Variants in GRM8 observed in about 807,000 individuals in gnomAD.
GRM8 encodes glutamate metabotropic receptor 8.
GRM8 carries 47 observed loss-of-function variants against 87.2 expected under a neutral mutation model. That is an observed-to-expected ratio of 0.54 (90% CI 0.43 to 0.69). The LOEUF (loss-of-function observed/expected upper bound fraction) is 0.69, where lower values mean the gene tolerates loss of function less well. Among genes scored for constraint, GRM8 ranks in the 30% least tolerant of loss-of-function variants. GRM8 has a pLI of 0.00. For missense variants in GRM8, 1,019 were observed against 1,139.2 expected, an observed-to-expected ratio of 0.89 and a Z score of 1.52; for synonymous variants, 396 against 404.5, an observed-to-expected ratio of 0.98 and a Z score of 0.25.
chr7:127,151,858 T>A (rs1018104901), intron 2 of GRM8, among the ~76,000 whole-genome samples: 1 of 152,086 alleles, frequency 6.6e-6, no homozygotes, highest in Non-Finnish European at 1.5e-5. Flanking sequence ...AACTACTGAA[T>A]GTAGATTATA....
At chr7:126,537,890 T>C (rs1418845943) in intron 8 of GRM8, among the ~76,000 whole-genome samples, 1 of 152,218 alleles carries the variant, frequency 6.6e-6, no homozygotes, top group Non-Finnish European at 1.5e-5. Context: ...TTTATTGCTA[T>C]ATTAACAAAT....
chr7:126,491,015 A>G (rs1015531604), intron 9 of GRM8, among the ~76,000 whole-genome samples: 59 of 152,078 alleles, frequency 3.9e-4, no homozygotes, highest in Non-Finnish European at 8.8e-5. Flanking sequence ...TTTTGTCAAT[A>G]ATAGCCAAAA....
chr7:126,755,415 C>A (rs1007520553), intron 7 of GRM8, among the ~76,000 whole-genome samples: 2 of 151,488 alleles, frequency 1.3e-5, no homozygotes, highest in African/African-American at 4.8e-5. Flanking sequence ...CAGTCAAAAG[C>A]TTTTTTTTGC....
At chr7:127,151,024 A>T (rs1267147415) in intron 2 of GRM8, among the ~76,000 whole-genome samples, 1 of 152,014 alleles carries the variant, frequency 6.6e-6, no homozygotes, top group Non-Finnish European at 1.5e-5. Context: ...AGCTATACAC[A>T]TTGGGTTTTA....
chr7:127,209,230 G>C (rs552666673), intron 2 of GRM8, among the ~76,000 whole-genome samples: 2 of 152,266 alleles, frequency 1.3e-5, no homozygotes, highest in African/African-American at 2.4e-5. Flanking sequence ...TCTGGAAACT[G>C]CACTGGATAA....
intron 3 of GRM8, among the ~76,000 whole-genome samples, chr7:126,961,750 T>C (rs1238991174): frequency 3.3e-5 from 5 of 152,232 alleles, no homozygotes; most frequent in African/African-American, 1.2e-4. Flanking sequence ...ACAAGCCTCG[T>C]GGGAGGAGAG....
intron 7 of GRM8, among the ~76,000 whole-genome samples, chr7:126,683,358 C>T (rs1204682621): frequency 2.0e-5 from 3 of 152,228 alleles, no homozygotes; most frequent in Non-Finnish European, 4.4e-5. Context: ...CTATGACTAA[C>T]TCATTCCCAA....
intron 9 of GRM8, among the ~76,000 whole-genome samples, chr7:126,451,497 G>A (rs907863330): frequency 6.6e-6 from 1 of 151,460 alleles, no homozygotes; most frequent in African/African-American, 2.4e-5. Context: ...TCTCTTTCCT[G>A]CTGCCCTTGC....
intron 6 of GRM8, among the ~76,000 whole-genome samples, chr7:126,883,967 A>G (rs992181103): frequency 2.0e-5 from 3 of 150,414 alleles, no homozygotes; most frequent in Non-Finnish European, 4.4e-5. Context: ...ATAAAATTAG[A>G]CAGGAGACAA....
intron 2 of GRM8, among the ~76,000 whole-genome samples, chr7:127,116,407 G>A (rs1330324111): frequency 1.3e-5 from 2 of 152,102 alleles, no homozygotes; most frequent in African/African-American, 4.8e-5. Context: ...CTACATGCCA[G>A]ACACGGTGAC....
intron 2 of GRM8, among the ~76,000 whole-genome samples, chr7:127,231,602 T>C (rs1797687291): frequency 6.6e-6 from 1 of 152,342 alleles, no homozygotes; most frequent in South Asian, 2.1e-4. Context: ...TTCTGACATT[T>C]GTATCAGAGA....
chr7:127,228,113 T>C (rs1352117736), intron 2 of GRM8, among the ~76,000 whole-genome samples: 1 of 152,182 alleles, frequency 6.6e-6, no homozygotes, highest in Non-Finnish European at 1.5e-5. Context: ...TTTGAAAACA[T>C]ACCATCTAAA....
chr7:126,664,088 G>T (rs994105382), intron 7 of GRM8, among the ~76,000 whole-genome samples: 2 of 152,034 alleles, frequency 1.3e-5, no homozygotes, highest in Non-Finnish European at 2.9e-5. Flanking sequence ...AACCTAGGAG[G>T]TGAAATATCT....
intron 7 of GRM8, among the ~76,000 whole-genome samples, chr7:126,672,779 TAAC>T (rs1453343384): frequency 6.6e-6 from 1 of 152,138 alleles, no homozygotes; most frequent in Non-Finnish European, 1.5e-5. Context: ...TGTTTTCTAA[TAAC>T]GTGGTGTATC....
At chr7:126,669,729 T>A (rs1206730128) in intron 7 of GRM8, among the ~76,000 whole-genome samples, 1 of 152,216 alleles carries the variant, frequency 6.6e-6, no homozygotes, top group Non-Finnish European at 1.5e-5. Context: ...TTGCTGGGGT[T>A]ACCATTATAA....
chr7:127,026,261 G>C (rs944005440), intron 3 of GRM8, among the ~76,000 whole-genome samples: 2 of 152,082 alleles, frequency 1.3e-5, no homozygotes, highest in Non-Finnish European at 2.9e-5. Flanking sequence ...TTGGACATTT[G>C]GGTTGGTTCC....
intron 9 of GRM8, among the ~76,000 whole-genome samples, chr7:126,508,931 C>T (rs921230042): frequency 1.1e-4 from 16 of 152,144 alleles, no homozygotes; most frequent in African/African-American, 3.6e-4. Context: ...CAAGTACCAA[C>T]GTAATTATAA....
intron 7 of GRM8, among the ~76,000 whole-genome samples, chr7:126,613,324 G>T (rs907382914): frequency 6.6e-6 from 1 of 152,192 alleles, no homozygotes; most frequent in South Asian, 2.1e-4. Context: ...AATGACAAAT[G>T]TCTGTTAATA....
intron 3 of GRM8, chr7:127,084,922 T>A (rs1046333057): frequency 6.6e-6 from 1 of 152,222 alleles, no homozygotes; most frequent in Non-Finnish European, 1.5e-5. Context: ...CATCAACTGG[T>A]CATTTACATT....
Sources: allele counts gnomAD v4.1 joint callset (sites outside exome capture counted in the v4.1 genomes callset), GRCh38; gene constraint gnomAD v4.1.1; transcripts MANE v1.5; gene names NCBI Gene and HGNC (gene_info 2026-07-23, HGNC 2026-07-21).